The following CAPN2 variants were observed in gnomAD, a reference collection of about 807,000 sequenced individuals.
CAPN2 encodes the protein calpain 2.
Under a neutral mutation model 102.3 loss-of-function variants are expected in CAPN2, and 92 were observed. The ratio of observed to expected loss-of-function variants is 0.90; its 90% CI spans 0.76 to 1.07. CAPN2 has a LOEUF of 1.07. CAPN2 is among the 50% of genes least tolerant of loss of function. The pLI is 0.00. For missense variants in CAPN2, 800 were observed against 909.4 expected, an observed-to-expected ratio of 0.88 and a Z score of 1.55; for synonymous variants, 340 against 355.4, an observed-to-expected ratio of 0.96 and a Z score of 0.49.
chr1:223,732,492 T>A (rs1660361451), intron 2 of CAPN2, among the ~76,000 whole-genome samples: 1 of 152,202 alleles, frequency 6.6e-6, no homozygotes, highest in South Asian at 2.1e-4. Flanking sequence ...TAAACTGTCA[T>A]GGCTCTGGTG....
intron 1 of CAPN2, among the ~76,000 whole-genome samples, chr1:223,702,031 A>AAGGGAGGG (rs773252726): frequency 1.6e-5 from 1 of 62,758 alleles, no homozygotes; most frequent in Non-Finnish European, 3.0e-5. Flanking sequence ...AGAGGGAAGG[A>AAGGGAGGG]AGGGAGGGAG....
chr1:223,774,779 G>T, intron 20 of CAPN2, 55 bp from the exon 21 acceptor site: 4 of 1,542,094 alleles, frequency 2.6e-6, no homozygotes, highest in Non-Finnish European at 1.8e-6. Flanking sequence ...TACTTAAATA[G>T]CCTTTAATTT....
At chr1:223,711,533 A>G (rs1302970539), upstream of CAPN2, among the ~76,000 whole-genome samples, 1 of 152,256 alleles carries the variant, frequency 6.6e-6, no homozygotes, top group East Asian at 1.9e-4. Flanking sequence ...CCCTACATAT[A>G]CTTTAAAAGT....
intron 3 of CAPN2, 114 bp from the exon 4 acceptor site, chr1:223,745,192 C>T (rs12069561): frequency 5.0e-4 from 689 of 1,368,310 alleles, no homozygotes; most frequent in Non-Finnish European, 6.6e-4. Flanking sequence ...TCCCAGGATG[C>T]GCTCATGGAA....
intron 2 of CAPN2, among the ~76,000 whole-genome samples, chr1:223,732,119 TG>T (rs1271868403): frequency 2.6e-5 from 4 of 151,958 alleles, no homozygotes; most frequent in Non-Finnish European, 5.9e-5. Context: ...GGTCACGGTG[TG>T]GGGGTGGAGA....
In CAPN2 at chr1:223,746,267, G is replaced by A. The variant is rs566945678; in HGVS notation, c.561-730G>A. ...AAGCCACCGGACTCCAGCATCAGCA[G>A]TCAGGAGCACTAAGCCCTTGCCAAC... On this transcript the variant is annotated intron_variant, in intron 4 of 20. Transcript: ENST00000295006. 4.6e-5 allele frequency among the ~76,000 whole-genome samples: 7 copies of A among 152,252 alleles called. No individual in the cohort carries two copies. The South Asian group carries it at 1.5e-3, about 32-fold the overall frequency.
chr1:223,733,093 A>T (rs908914015), intron 2 of CAPN2, among the ~76,000 whole-genome samples: 5 of 152,142 alleles, frequency 3.3e-5, no homozygotes, highest in African/African-American at 1.2e-4. Flanking sequence ...GACAGCCAGC[A>T]CCAACCTGCC....
chr1:223,708,081 T>G (rs6698341), upstream of CAPN2, among the ~76,000 whole-genome samples: 1 of 152,186 alleles, frequency 6.6e-6, no homozygotes, highest in African/African-American at 2.4e-5. Flanking sequence ...TTTTCAATTG[T>G]GATGGCTTCA....
chr1:223,757,469 GGGCAGGGGCT>G, intron 11 of CAPN2, 89 bp downstream of exon 11: 4 of 1,434,472 alleles, frequency 2.8e-6, no homozygotes, highest in Non-Finnish European at 3.9e-6. Flanking sequence ...CGTGAAGCCC[GGGCAGGGGCT>G]GGTGGTCATG....
intron 20 of CAPN2, 130 bp from the exon 21 acceptor site, chr1:223,774,704 A>C: frequency 1.3e-6 from 1 of 746,572 alleles, no homozygotes; most frequent in South Asian, 1.6e-5. Context: ...AATATGAGTT[A>C]GTGCACTGAT....
intron 2 of CAPN2, among the ~76,000 whole-genome samples, chr1:223,728,420 A>G (rs987331237): frequency 6.6e-6 from 1 of 152,164 alleles, no homozygotes; most frequent in Non-Finnish European, 1.5e-5. Flanking sequence ...CTCATGTCCC[A>G]AGAGAAAGAC....
In CAPN2 at chr1:223,738,888, C is replaced by T. The variant is rs142653002; in HGVS notation, c.308-5212C>T. Reference sequence around the variant, plus strand: ...GACACAGCCACATGGAGCCGAGCCACGCTCTCAGAGAAGGAGCCAGGGAAG... The same window carrying T: ...GACACAGCCACATGGAGCCGAGCCATGCTCTCAGAGAAGGAGCCAGGGAAG... On this transcript the variant is annotated intron_variant, in intron 2 of 20. Coordinates refer to ENST00000295006, the MANE Select transcript of CAPN2 (RefSeq NM_001748.5). Among the ~76,000 whole-genome samples the T allele has an allele frequency of 8.2e-4, 125 of 152,356 alleles. No homozygotes were observed. In the East Asian group the frequency reaches 0.02, roughly 24 times the overall value.
At chr1:223,749,014 A>C (rs1237561976) in intron 5 of CAPN2, 25 bp from the exon 6 acceptor site, 1 of 1,606,520 alleles carries the variant, frequency 6.2e-7, no homozygotes, top group East Asian at 2.2e-5. Context: ...GGGTGCGGCC[A>C]GTCTGACGGT....
In CAPN2 at chr1:223,772,234, A is replaced by G. The variant is rs1558080967; in HGVS notation, c.2074A>G (p.Ile692Val). Residue 692 changes from isoleucine (I) to valine (V), a missense_variant, in exon 20 of 21, where the codon ATC becomes GTC. Transcript: ENST00000295006. ...ENTGTIELDLISWLCFSVL is the reference protein window; with the variant it reads ...ENTGTIELDLVSWLCFSVL ...TACTGGAACAATAGAGCTCGACCTTATCTCTGTGAGTCAGCAGGCCCCGCC... is the reference window on the plus strand; with the variant it reads ...TACTGGAACAATAGAGCTCGACCTTGTCTCTGTGAGTCAGCAGGCCCCGCC... 3.7e-6 allele frequency: 6 copies of G among 1,613,916 alleles called. No individual in the cohort carries two copies. The highest frequency in any genetic ancestry group is 2.5e-6 in the Non-Finnish European group (3 of 1,179,842).
chr1:223,738,855 A>G (rs1237193148), intron 2 of CAPN2, among the ~76,000 whole-genome samples: 1 of 152,262 alleles, frequency 6.6e-6, no homozygotes, highest in East Asian at 1.9e-4. Context: ...CCTGCCCCGC[A>G]GTCACGGGAC....
chr1:223,712,360 G>T, upstream of CAPN2: 2 of 809,544 alleles, frequency 2.5e-6, no homozygotes, highest in Non-Finnish European at 3.0e-6. Context: ...GCGCCATCCC[G>T]GGAGCTGTCC....
Position 223,725,670 on chromosome 1 carries a change from G to T in CAPN2, c.307+7839G>T, listed in dbSNP as rs114733411. On this transcript the variant is annotated intron_variant, in intron 2 of 20. Coordinates refer to ENST00000295006, the MANE Select transcript of CAPN2 (RefSeq NM_001748.5). This position sits in a 1 kb window ranked among gnomAD's most constrained non-coding sequence, Gnocchi z 4.1. ...TGGAGAGGGGTATGACAGAGGAGGT[G>T]GTGTCCCAGGGGGAAGGTCCGGAAA... Among the ~76,000 whole-genome samples, 1,647 of 152,190 alleles carry T rather than the reference G, an allele frequency of 0.011. 30 individuals are homozygous for T. The highest frequency in any genetic ancestry group is 0.038 in the African/African-American group (1,571 of 41,508).
intron 16 of CAPN2, among the ~76,000 whole-genome samples, chr1:223,766,770 A>T (rs1365240551): frequency 6.6e-6 from 1 of 151,804 alleles, no homozygotes; most frequent in East Asian, 1.9e-4. Context: ...GACCAGCCTG[A>T]CCAACATGGT....
intron 2 of CAPN2, among the ~76,000 whole-genome samples, chr1:223,739,972 C>G (rs998375687): frequency 1.6e-4 from 24 of 152,212 alleles, no homozygotes; most frequent in Admixed American, 1.0e-3. Flanking sequence ...ACGTCATGGA[C>G]TTCAACCAGG....
Sources: gnomAD v4.1 joint callset for allele counts (sites outside exome capture counted in the v4.1 genomes callset) on GRCh38, gnomAD v4.1.1 for gene constraint, Gnocchi (gnomAD v3.1) non-coding constraint, MANE v1.5 for transcripts, NCBI Gene and HGNC (gene_info 2026-07-23, HGNC 2026-07-21) for gene names.